Variants in EPB41L5 observed in about 807,000 individuals in gnomAD.
EPB41L5 encodes the protein band 4.1-like protein 5.
EPB41L5 carries 55 observed loss-of-function variants against 106.6 expected under a neutral mutation model. The observed-to-expected ratio is 0.52, with a 90% CI of 0.42 to 0.65. The LOEUF (loss-of-function observed/expected upper bound fraction) is 0.65, where lower values mean the gene tolerates loss of function less well. Ranked by LOEUF, EPB41L5 falls within the 30% of genes least tolerant of loss-of-function variation. The pLI is 0.00. For missense variants in EPB41L5, 871 were observed against 882.1 expected (o/e 0.99, Z 0.16); for synonymous variants, 297 against 306.7 (o/e 0.97, Z 0.33).
At chr2:120,055,203 C>T (rs181983449) in intron 3 of EPB41L5, among the ~76,000 whole-genome samples, 23 of 152,224 alleles carry the variant, frequency 1.5e-4, no homozygotes, top group Admixed American at 1.0e-3. Flanking sequence ...GCCAGTACCA[C>T]AGTGTCTTGA....
chr2:120,027,167 C>T (rs1678384353), intron 2 of EPB41L5, among the ~76,000 whole-genome samples: 1 of 152,190 alleles, frequency 6.6e-6, no homozygotes. Context: ...TATAGTACCA[C>T]CTGACCCAAC....
intron 16 of EPB41L5, among the ~76,000 whole-genome samples, chr2:120,112,072 C>T (rs967725442): frequency 4.6e-5 from 7 of 152,062 alleles, no homozygotes; most frequent in African/African-American, 1.2e-4. Flanking sequence ...TCATGTTCCC[C>T]GCCCCCTGCC....
intron 3 of EPB41L5, among the ~76,000 whole-genome samples, chr2:120,045,079 G>C (rs1407036884): frequency 1.3e-5 from 2 of 152,224 alleles, no homozygotes; most frequent in East Asian, 3.9e-4. Flanking sequence ...CGTAAAATGC[G>C]ACCAAGGAAT....
intron 16 of EPB41L5, among the ~76,000 whole-genome samples, chr2:120,121,573 G>A (rs1685217050): frequency 6.6e-6 from 1 of 152,162 alleles, no homozygotes; most frequent in South Asian, 2.1e-4. Flanking sequence ...GTGTATATGT[G>A]CCACCTTTTC....
chr2:120,130,516 A>G (rs1170190411), intron 17 of EPB41L5, among the ~76,000 whole-genome samples: 1 of 152,234 alleles, frequency 6.6e-6, no homozygotes, highest in Admixed American at 6.5e-5. Flanking sequence ...AAGGTTTAAC[A>G]ACAACAAAAA....
intron 16 of EPB41L5, chr2:120,105,506 T>C: frequency 1.0e-6 from 1 of 985,296 alleles, no homozygotes; most frequent in Non-Finnish European, 1.2e-6. Flanking sequence ...GGTTTAATAC[T>C]GAATGGTTGG....
chr2:120,046,480 T>A (rs1439211771), intron 3 of EPB41L5, among the ~76,000 whole-genome samples: 3 of 151,962 alleles, frequency 2.0e-5, no homozygotes, highest in African/African-American at 7.2e-5. Context: ...TGTTCATACC[T>A]TTCGCCCACT....
chr2:120,105,504 A>G, intron 16 of EPB41L5: 9 of 985,252 alleles, frequency 9.1e-6, no homozygotes, highest in East Asian at 1.1e-4. Flanking sequence ...TTGGTTTAAT[A>G]CTGAATGGTT....
chr2:120,055,770 A>G (rs1680609784), intron 3 of EPB41L5, among the ~76,000 whole-genome samples: 1 of 152,198 alleles, frequency 6.6e-6, no homozygotes, highest in Non-Finnish European at 1.5e-5. Flanking sequence ...TTGTTAGCAT[A>G]TAGAACTGCA....
chr2:120,036,647 A>G (rs1348062603), intron 2 of EPB41L5, among the ~76,000 whole-genome samples: 2 of 152,190 alleles, frequency 1.3e-5, no homozygotes, highest in African/African-American at 4.8e-5. Flanking sequence ...AAGTCTAATA[A>G]ATTTTCTAAA....
At chr2:120,110,501 C>CTACTTAGA in intron 16 of EPB41L5, among the ~76,000 whole-genome samples, 1 of 152,182 alleles carries the variant, frequency 6.6e-6, no homozygotes, top group East Asian at 1.9e-4. Flanking sequence ...AACTGCCTAT[C>CTACTTAGA]TGACATCTCT....
chr2:120,135,581 T>C (rs1415903776), intron 18 of EPB41L5, among the ~76,000 whole-genome samples: 2 of 151,966 alleles, frequency 1.3e-5, no homozygotes, highest in Admixed American at 1.3e-4. Context: ...AATGTCAGTG[T>C]TAAAGAATCC....
At chr2:120,069,127 T>C in intron 3 of EPB41L5, among the ~76,000 whole-genome samples, 1 of 24,264 alleles carries the variant, frequency 4.1e-5, no homozygotes. Flanking sequence ...AAACTCTGTC[T>C]CAAAAAAAAA....
intron 17 of EPB41L5, chr2:120,128,071 T>G: frequency 2.8e-6 from 1 of 354,818 alleles, no homozygotes; most frequent in Non-Finnish European, 5.0e-6. Flanking sequence ...TATAAGACAT[T>G]AAACATTTAA....
intron 1 of EPB41L5, among the ~76,000 whole-genome samples, chr2:120,018,350 TTATC>T (rs1282116855): frequency 6.6e-6 from 1 of 152,114 alleles, no homozygotes; most frequent in Non-Finnish European, 1.5e-5. Flanking sequence ...TACATATAAT[TTATC>T]TATTTAGAAG....
chr2:120,130,685 C>T (rs893571974), intron 17 of EPB41L5, among the ~76,000 whole-genome samples: 3 of 152,198 alleles, frequency 2.0e-5, no homozygotes, highest in East Asian at 1.9e-4. Context: ...CTACCAGTGC[C>T]AGAATCCTAC....
In EPB41L5 at chr2:120,087,257, A is replaced by G; in HGVS notation, c.873+17A>G. On this transcript the variant is annotated intron_variant, in intron 11 of 24. Coordinates refer to ENST00000263713, the MANE Select transcript of EPB41L5 (RefSeq NM_020909.4). Reference sequence around the variant, plus strand: ...GATGATCAGGTAGGAATAAAATTATATTCTATTACTTGTGTAACAGTGACT... The same window carrying G: ...GATGATCAGGTAGGAATAAAATTATGTTCTATTACTTGTGTAACAGTGACT... The G allele has an allele frequency of 7.2e-7, 1 of 1,393,764 alleles. No individual in the cohort carries two copies. Among genetic ancestry groups the G allele is most frequent in the Non-Finnish European group, 1.0e-6 (1 of 985,498 alleles). 86.3% of individuals were successfully genotyped at this position (1,393,764 alleles called of 1,614,324 possible).
chr2:120,112,112 AC>A (rs1684753061), intron 16 of EPB41L5, among the ~76,000 whole-genome samples: 1 of 151,592 alleles, frequency 6.6e-6, no homozygotes, highest in African/African-American at 2.4e-5. Flanking sequence ...TGTCTGCCTT[AC>A]CCTGCTTTAT....
intron 3 of EPB41L5, among the ~76,000 whole-genome samples, chr2:120,062,528 G>A (rs1681152742): frequency 6.6e-6 from 1 of 152,158 alleles, no homozygotes; most frequent in South Asian, 2.1e-4. Context: ...GTCAAAGAGA[G>A]AGAGTTTAAA....
Sources: gnomAD v4.1 joint callset for allele counts (sites outside exome capture counted in the v4.1 genomes callset) on GRCh38, gnomAD v4.1.1 for gene constraint, MANE v1.5 for transcripts, NCBI Gene and HGNC (gene_info 2026-07-23, HGNC 2026-07-21) for gene names.